Variants in NR1I2 observed in about 807,000 individuals in gnomAD.
NR1I2 encodes the protein nuclear receptor subfamily 1 group I member 2.
NR1I2 carries 42 observed loss-of-function variants against 43.3 expected under a neutral mutation model. The observed-to-expected ratio is 0.97, with a 90% confidence interval of 0.76 to 1.26. NR1I2 has a LOEUF of 1.26. NR1I2 is among the 50% of genes most tolerant of loss of function. NR1I2 has a pLI of 0.00. For missense variants in NR1I2, 559 were observed against 566.7 expected (o/e 0.99, Z 0.14); for synonymous variants, 229 against 215.0 (o/e 1.06, Z -0.57).
At chr3:119,798,378 G>T (rs2055027907) in intron 1 of NR1I2, among the ~76,000 whole-genome samples, 2 of 152,154 alleles carry the variant, frequency 1.3e-5, no homozygotes, top group Admixed American at 1.3e-4. Flanking sequence ...ATGTCCAGTT[G>T]ATTATTTTTA....
chr3:119,817,456 C>CTGTA lies in NR1I2; in HGVS notation c.*245_*248dup. On this transcript the variant is annotated 3_prime_UTR_variant, in exon 9 of 9. Transcript: ENST00000393716. ...ACTCTTACGTGGAGAGTGCACTGAC[C>CTGTA]TGTAGGTCAGGACCATCAGAGAGGC... 7.3e-7 allele frequency: 1 copy of CTGTA among 1,373,528 alleles called. No homozygotes were observed. The highest frequency in any genetic ancestry group is 2.9e-5 in the Admixed American group (1 of 33,906). 85.1% of individuals were successfully genotyped at this position (1,373,528 alleles called of 1,614,324 possible).
At chr3:119,815,974 A>G (rs2055323466) in intron 8 of NR1I2, 143 bp downstream of exon 8, 2 of 723,204 alleles carry the variant, frequency 2.8e-6, no homozygotes, top group South Asian at 1.5e-5. Flanking sequence ...ACTTTTGAGC[A>G]CTACCTAACC....
intron 1 of NR1I2, among the ~76,000 whole-genome samples, chr3:119,803,513 C>T (rs981366861): frequency 5.3e-5 from 8 of 152,136 alleles, no homozygotes; most frequent in African/African-American, 1.9e-4. Flanking sequence ...TCTTGGACTT[C>T]TCAGCCTCCA....
At position 119,817,492 on chromosome 3, in the gene NR1I2, T is replaced by C; in HGVS notation, c.*280T>C. The C allele has an allele frequency of 7.7e-7, 1 of 1,302,792 alleles. No homozygotes were observed. The highest frequency in any genetic ancestry group is 9.9e-7 in the Non-Finnish European group (1 of 1,015,222). 80.7% of individuals were successfully genotyped at this position (1,302,792 alleles called of 1,614,324 possible). A position where few individuals can be genotyped will look rare whatever the true frequency, so the allele number is the denominator to read the frequency against. On this transcript the variant is annotated 3_prime_UTR_variant, in exon 9 of 9. Coordinates refer to ENST00000393716, the MANE Select transcript of NR1I2 (RefSeq NM_003889.4). Reference sequence around the variant, plus strand: ...GACCATCAGAGAGGCAAGGTTGCCCTTTCCTTTTAAAAGGCCCTGTGGTCT... The same window carrying C: ...GACCATCAGAGAGGCAAGGTTGCCCCTTCCTTTTAAAAGGCCCTGTGGTCT...
At chr3:119,793,351 A>G (rs542942207) in intron 1 of NR1I2, among the ~76,000 whole-genome samples, 5 of 152,174 alleles carry the variant, frequency 3.3e-5, no homozygotes, top group Non-Finnish European at 7.3e-5. Flanking sequence ...CCACAAGGAA[A>G]ATGAACAGCC....
intron 5 of NR1I2, among the ~76,000 whole-genome samples, chr3:119,813,498 G>C (rs2055274399): frequency 6.6e-6 from 1 of 152,168 alleles, no homozygotes; most frequent in African/African-American, 2.4e-5. Context: ...TGGGGTGGCA[G>C]GAACCACAGC....
At chr3:119,789,030 G>A (rs190274841) in intron 1 of NR1I2, among the ~76,000 whole-genome samples, 10 of 152,268 alleles carry the variant, frequency 6.6e-5, no homozygotes, top group African/African-American at 2.4e-4. Context: ...ATAAGCTCCT[G>A]GGTGATCTGT....
chr3:119,783,084 C>T (rs1196652956), intron 1 of NR1I2, among the ~76,000 whole-genome samples: 1 of 151,866 alleles, frequency 6.6e-6, no homozygotes, highest in Non-Finnish European at 1.5e-5. Context: ...AGGCACTATT[C>T]CTCTCCCACA....
chr3:119,785,995 T>A (rs1043449369), intron 1 of NR1I2, among the ~76,000 whole-genome samples: 1 of 152,248 alleles, frequency 6.6e-6, no homozygotes, highest in Admixed American at 6.5e-5. Flanking sequence ...CCAAGAATTT[T>A]AAATCATGAA....
intron 1 of NR1I2, among the ~76,000 whole-genome samples, chr3:119,786,380 C>T (rs1190827544): frequency 6.6e-6 from 1 of 152,096 alleles, no homozygotes; most frequent in Non-Finnish European, 1.5e-5. Flanking sequence ...GGAAAAGTTC[C>T]CTGCAACACC....
chr3:119,797,186 A>ATGTGTGTG (rs60261128), intron 1 of NR1I2, among the ~76,000 whole-genome samples: 7,508 of 144,992 alleles, frequency 0.052, 215 homozygotes, highest in South Asian at 0.084. Context: ...GCACAAAGAT[A>ATGTGTGTG]TGTGTGTGTG....
chr3:119,804,406 T>G lies in NR1I2; in HGVS notation c.-22-2823T>G. Among the ~76,000 whole-genome samples, 3 of 150,174 alleles carry G rather than the reference T, an allele frequency of 2.0e-5. No homozygotes were observed. In the East Asian group the frequency reaches 5.9e-4, roughly 29 times the overall value. On this transcript the variant is annotated intron_variant, in intron 1 of 8. Coordinates refer to ENST00000393716, the MANE Select transcript of NR1I2 (RefSeq NM_003889.4). ...TATATATATACATATATATTTACAT[T>G]TAATATATTTACATTTAACTACCAA...
chr3:119,787,607 C>G (rs1483546384), intron 1 of NR1I2, among the ~76,000 whole-genome samples: 1 of 150,952 alleles, frequency 6.6e-6, no homozygotes, highest in Admixed American at 6.6e-5. Flanking sequence ...ATATTACATT[C>G]CCCTTACTTG....
chr3:119,803,015 T>A (rs535022299), intron 1 of NR1I2: 1 of 455,510 alleles, frequency 2.2e-6, no homozygotes, highest in South Asian at 1.6e-5. Flanking sequence ...AGAACCCTCA[T>A]GATTGAGTTA....
At position 119,817,534 on chromosome 3, in the gene NR1I2, G is replaced by T. The variant is rs2055347543; in HGVS notation, c.*322G>T. ...CTGTGGTCTGGGGAGAAATCCCTCA[G>T]ATCCCACTAAAGTGTCAAGGTGTGG... On this transcript the variant is annotated 3_prime_UTR_variant, in exon 9 of 9. Coordinates refer to ENST00000393716, the MANE Select transcript of NR1I2 (RefSeq NM_003889.4). The T allele has an allele frequency of 1.6e-6, 2 of 1,230,418 alleles. No homozygotes were observed. The highest frequency in any genetic ancestry group is 3.1e-5 in the African/African-American group (2 of 64,316). 76.2% of individuals were successfully genotyped at this position (1,230,418 alleles called of 1,614,324 possible). A position where few individuals can be genotyped will look rare whatever the true frequency, so the allele number is the denominator to read the frequency against.
At chr3:119,807,794 T>A (rs2055182595) in intron 2 of NR1I2, among the ~76,000 whole-genome samples, 2 of 151,984 alleles carry the variant, frequency 1.3e-5, no homozygotes, top group South Asian at 4.1e-4. Flanking sequence ...AAGAATGGCA[T>A]AAAATAAATG....
At chr3:119,782,823 C>T (rs772592341) in intron 1 of NR1I2, 7 of 1,614,058 alleles carry the variant, frequency 4.3e-6, no homozygotes, top group South Asian at 1.1e-5. Flanking sequence ...TACCCCTGCA[C>T]AGTGCTGCGG....
intron 1 of NR1I2, among the ~76,000 whole-genome samples, chr3:119,783,479 G>T (rs1290251368): frequency 6.6e-6 from 1 of 152,032 alleles, no homozygotes; most frequent in Non-Finnish European, 1.5e-5. Context: ...AGACAGTATG[G>T]CCCACAAAGC....
intron 8 of NR1I2, among the ~76,000 whole-genome samples, chr3:119,816,527 T>G (rs2055331059): frequency 6.6e-6 from 1 of 152,168 alleles, no homozygotes; most frequent in Non-Finnish European, 1.5e-5. Flanking sequence ...TGTACAAAGA[T>G]GCAACTCCCG....
Sources: allele counts gnomAD v4.1 joint callset (sites outside exome capture counted in the v4.1 genomes callset), GRCh38; gene constraint gnomAD v4.1.1; transcripts MANE v1.5; gene names NCBI Gene and HGNC (gene_info 2026-07-23, HGNC 2026-07-21).